The following ROBO2 variants were observed in gnomAD, a reference collection of about 807,000 sequenced individuals.
The protein encoded by ROBO2 is roundabout guidance receptor 2, also known as roundabout homolog 2.
In ROBO2, 53 loss-of-function variants were observed where a neutral mutation model predicts 160.8. The observed-to-expected ratio is 0.33, with a 90% CI of 0.26 to 0.41. The LOEUF is 0.41. Ranked by LOEUF, ROBO2 falls within the 10% of genes least tolerant of loss-of-function variation. The pLI is 1.00. For missense variants in ROBO2, 1,577 were observed against 1,722.4 expected (o/e 0.92, Z 1.49); for synonymous variants, 664 against 611.7 (o/e 1.09, Z -1.26).
chr3:76,679,894 G>C (rs1233118915), intron 2 of ROBO2, among the ~76,000 whole-genome samples: 2 of 152,088 alleles, frequency 1.3e-5, no homozygotes, highest in Non-Finnish European at 2.9e-5. Flanking sequence ...GCTTATTACA[G>C]ATTTAAATTA....
chr3:76,101,747 C>T (rs1324192542), intron 2 of ROBO2, among the ~76,000 whole-genome samples: 2 of 146,478 alleles, frequency 1.4e-5, no homozygotes, highest in African/African-American at 5.2e-5. Flanking sequence ...TGATGTTCCC[C>T]TTCCTGTGTC....
chr3:77,065,147 T>A (rs546391947), intron 1 of ROBO2, among the ~76,000 whole-genome samples: 1 of 152,306 alleles, frequency 6.6e-6, no homozygotes, highest in South Asian at 2.1e-4. Context: ...TAATGTTTAG[T>A]AATACTATCA....
intron 2 of ROBO2, among the ~76,000 whole-genome samples, chr3:77,433,667 A>G (rs915193895): frequency 2.0e-5 from 3 of 151,758 alleles, no homozygotes; most frequent in Non-Finnish European, 4.4e-5. Flanking sequence ...TCTCAAATGT[A>G]TAACTCTGTC....
intron 2 of ROBO2, among the ~76,000 whole-genome samples, chr3:76,851,061 T>C (rs1441260323): frequency 6.6e-6 from 1 of 152,202 alleles, no homozygotes; most frequent in African/African-American, 2.4e-5. Flanking sequence ...AGTTTGACTA[T>C]AGTAGCTATT....
chr3:76,636,601 G>A (rs1189057692), intron 2 of ROBO2, among the ~76,000 whole-genome samples: 1 of 152,110 alleles, frequency 6.6e-6, no homozygotes, highest in Admixed American at 6.5e-5. Flanking sequence ...CAGATTCAAA[G>A]ACACACAGGG....
intron 2 of ROBO2, among the ~76,000 whole-genome samples, chr3:77,145,098 G>C (rs1368901182): frequency 1.3e-5 from 2 of 151,996 alleles, no homozygotes. Context: ...AAGTTAATTG[G>C]CTTTATACCT....
chr3:77,031,432 T>C (rs1023659368), intron 2 of ROBO2, among the ~76,000 whole-genome samples: 46 of 148,082 alleles, frequency 3.1e-4, no homozygotes, highest in African/African-American at 1.1e-3. Context: ...AGCATATACA[T>C]ATGTTTATTA....
intron 19 of ROBO2, among the ~76,000 whole-genome samples, chr3:77,597,721 A>G (rs904492764): frequency 8.5e-5 from 13 of 152,208 alleles, no homozygotes; most frequent in African/African-American, 3.1e-4. Flanking sequence ...TGGAAAAAAA[A>G]AAGTGTTTAG....
At chr3:76,754,333 A>G (rs943598926) in intron 2 of ROBO2, among the ~76,000 whole-genome samples, 11 of 151,926 alleles carry the variant, frequency 7.2e-5, no homozygotes, top group African/African-American at 2.4e-4. Flanking sequence ...GTATATTAGT[A>G]TCTGGACAGA....
chr3:76,968,182 T>C (rs1219528816), intron 2 of ROBO2, among the ~76,000 whole-genome samples: 1 of 152,164 alleles, frequency 6.6e-6, no homozygotes, highest in African/African-American at 2.4e-5. Flanking sequence ...TGAGAGGGAA[T>C]CTATCCATTG....
At chr3:77,092,740 G>A (rs1004214586) in intron 1 of ROBO2, among the ~76,000 whole-genome samples, 33 of 149,336 alleles carry the variant, frequency 2.2e-4, no homozygotes, top group East Asian at 7.8e-4. Flanking sequence ...AGTCACAAGC[G>A]AAATTAGAAT....
intron 6 of ROBO2, among the ~76,000 whole-genome samples, chr3:77,533,751 T>G (rs1422250776): frequency 6.6e-6 from 1 of 152,154 alleles, no homozygotes; most frequent in Non-Finnish European, 1.5e-5. Flanking sequence ...AATCAACCCA[T>G]TCTGAGGTCA....
intron 2 of ROBO2, among the ~76,000 whole-genome samples, chr3:76,620,673 T>C (rs918394822): frequency 8.5e-5 from 13 of 152,186 alleles, no homozygotes; most frequent in Non-Finnish European, 1.8e-4. Context: ...ATAGTTTATA[T>C]GTACATATCT....
At chr3:77,330,483 A>G (rs1259016260) in intron 2 of ROBO2, among the ~76,000 whole-genome samples, 2 of 152,174 alleles carry the variant, frequency 1.3e-5, no homozygotes, top group African/African-American at 2.4e-5. Context: ...ACACCACTGC[A>G]CTCCAGCCTG....
intron 2 of ROBO2, chr3:76,434,022 C>T: frequency 8.4e-7 from 1 of 1,186,700 alleles, no homozygotes; most frequent in Non-Finnish European, 1.3e-6. Flanking sequence ...TTCATTATGG[C>T]TGACATGCAA....
At chr3:76,082,192 G>T (rs774363806) in intron 2 of ROBO2, among the ~76,000 whole-genome samples, 1 of 152,130 alleles carries the variant, frequency 6.6e-6, no homozygotes, top group Non-Finnish European at 1.5e-5. Context: ...CCATGACAAA[G>T]TAGGTATAAG....
At chr3:76,692,716 A>G (rs2092828501) in intron 2 of ROBO2, among the ~76,000 whole-genome samples, 1 of 152,068 alleles carries the variant, frequency 6.6e-6, no homozygotes, top group Admixed American at 6.6e-5. Context: ...AAATTTTCCC[A>G]AAGCTCCAAA....
At chr3:76,596,477 C>G (rs2086742595) in intron 2 of ROBO2, among the ~76,000 whole-genome samples, 1 of 152,074 alleles carries the variant, frequency 6.6e-6, no homozygotes, top group South Asian at 2.1e-4. Context: ...AGATAGAACC[C>G]TCTCTGACAT....
At chr3:75,926,674 G>A (rs781740876) in intron 1 of ROBO2, among the ~76,000 whole-genome samples, 2 of 152,152 alleles carry the variant, frequency 1.3e-5, no homozygotes, top group Non-Finnish European at 2.9e-5. Flanking sequence ...AGAGTTTATG[G>A]CATTTGATTA....
Sources: allele counts gnomAD v4.1 joint callset (sites outside exome capture counted in the v4.1 genomes callset), GRCh38; gene constraint gnomAD v4.1.1; transcripts MANE v1.5; gene names NCBI Gene and HGNC (gene_info 2026-07-23, HGNC 2026-07-21).